The following FAM135B variants were observed in gnomAD, a reference collection of about 807,000 sequenced individuals.
The protein encoded by FAM135B is family with sequence similarity 135 member B.
A neutral mutation model predicts 127.7 loss-of-function variants in FAM135B; 43 were observed. The ratio of observed to expected loss-of-function variants is 0.34; its 90% CI spans 0.26 to 0.43. The LOEUF (loss-of-function observed/expected upper bound fraction) is 0.43. Ranked by LOEUF, FAM135B falls within the 20% of genes least tolerant of loss-of-function variation. The probability of loss-of-function intolerance (pLI) is 1.00; values close to 1 mark genes in which losing one functional copy is unlikely to be tolerated. For synonymous variants in FAM135B, 670 were observed against 665.1 expected (o/e 1.01, Z -0.11); for missense variants, 1,558 against 1,725.6 (o/e 0.90, Z 1.72).
intron 1 of FAM135B, among the ~76,000 whole-genome samples, chr8:138,443,557 A>T (rs79625473): frequency 0.017 from 2,588 of 152,296 alleles, 57 homozygotes; most frequent in East Asian, 0.081. Flanking sequence ...AATCCAAGAC[A>T]TCCTTATTTT....
chr8:138,355,241 A>G (rs1830021367), intron 2 of FAM135B, among the ~76,000 whole-genome samples: 1 of 152,198 alleles, frequency 6.6e-6, no homozygotes, highest in Non-Finnish European at 1.5e-5. Context: ...AGGAATATAA[A>G]TCATGCTGCT....
At chr8:138,374,078 C>G (rs1045051044) in intron 1 of FAM135B, among the ~76,000 whole-genome samples, 3 of 152,124 alleles carry the variant, frequency 2.0e-5, no homozygotes, top group Non-Finnish European at 4.4e-5. Flanking sequence ...AAAAAAATCC[C>G]TAATAAAAAC....
chr8:138,135,339 A>G (rs374610820), intron 19 of FAM135B, among the ~76,000 whole-genome samples: 2 of 152,216 alleles, frequency 1.3e-5, no homozygotes, highest in East Asian at 1.9e-4. Context: ...AGCTATGTTT[A>G]GTCAAGTCTG....
intron 7 of FAM135B, among the ~76,000 whole-genome samples, chr8:138,238,497 G>C (rs913778122): frequency 3.3e-5 from 5 of 152,124 alleles, no homozygotes; most frequent in African/African-American, 1.2e-4. Context: ...AAGAAAAGAG[G>C]CCACGAGGGG....
chr8:138,369,815 T>C (rs1443748141), intron 1 of FAM135B, among the ~76,000 whole-genome samples: 1 of 152,176 alleles, frequency 6.6e-6, no homozygotes, highest in Non-Finnish European at 1.5e-5. Context: ...GTCCTCATTT[T>C]CTCATCACCC....
rs1456340785 is a variant in FAM135B, at chr8:138,132,647, T to C, written c.4167A>G (p.Ser1389=). 3.1e-6 allele frequency: 5 copies of C among 1,614,200 alleles called. No individual in the cohort carries two copies. Among genetic ancestry groups the C allele is most frequent in the South Asian group, 2.2e-5 (2 of 91,078 alleles). The part of the protein sequence containing the change: ...GRAAHIAVLD[S]ELFLEKFFLV... ...AGAAAAACTTCTCCAGGAAGAGTTC[T>C]GAATCCAGCACAGCGATGTGAGCGG... is the stretch of plus-strand genomic sequence containing the variant. Residue 1389 remains serine, a synonymous_variant, in exon 20 of 20, where the codon TCA becomes TCG. Coordinates refer to ENST00000395297, the MANE Select transcript of FAM135B (RefSeq NM_015912.4). The surrounding 1 kb of genome is among the most constrained non-coding windows in gnomAD (Gnocchi z 4.5).
chr8:138,203,195 G>A (rs185353313), intron 7 of FAM135B, among the ~76,000 whole-genome samples: 1 of 152,074 alleles, frequency 6.6e-6, no homozygotes, highest in African/African-American at 2.4e-5. Context: ...TCAAATCTAT[G>A]TCTCTACATC....
intron 3 of FAM135B, among the ~76,000 whole-genome samples, chr8:138,271,990 T>C (rs1823417240): frequency 1.3e-5 from 2 of 151,976 alleles, no homozygotes; most frequent in South Asian, 4.2e-4. Flanking sequence ...GGTACAATGA[T>C]GACTCCAAAT....
At chr8:138,482,762 G>A (rs1369554230) in intron 1 of FAM135B, among the ~76,000 whole-genome samples, 1 of 152,144 alleles carries the variant, frequency 6.6e-6, no homozygotes, top group African/African-American at 2.4e-5. Context: ...CAGTAGCAAA[G>A]TTAGGATTAA....
At chr8:138,340,635 C>T (rs1828983307) in intron 2 of FAM135B, among the ~76,000 whole-genome samples, 1 of 152,154 alleles carries the variant, frequency 6.6e-6, no homozygotes, top group African/African-American at 2.4e-5. Flanking sequence ...TAGAACCCTC[C>T]TGCTGGCCAG....
At chr8:138,285,293 C>A (rs1356014220) in intron 3 of FAM135B, among the ~76,000 whole-genome samples, 2 of 151,832 alleles carry the variant, frequency 1.3e-5, no homozygotes, top group Middle Eastern at 3.4e-3. Context: ...ATTACAGGCA[C>A]CCATCAACAT....
chr8:138,295,983 G>A (rs769389155), intron 3 of FAM135B, among the ~76,000 whole-genome samples: 10 of 152,188 alleles, frequency 6.6e-5, no homozygotes, highest in Non-Finnish European at 1.3e-4. Context: ...CAGCCTGAGT[G>A]AAGGCATGCA....
intron 4 of FAM135B, among the ~76,000 whole-genome samples, chr8:138,261,394 A>G (rs529505365): frequency 2.3e-4 from 35 of 152,316 alleles, no homozygotes; most frequent in African/African-American, 8.2e-4. Flanking sequence ...TGTTGTTAAT[A>G]ATTGTATCTT....
chr8:138,206,677 CCATAACTCTATCATCCCCTCCATCTACG>C (rs1817685328), intron 7 of FAM135B, among the ~76,000 whole-genome samples: 2 of 78,784 alleles, frequency 2.5e-5, no homozygotes, highest in African/African-American at 4.7e-5. Flanking sequence ...CTCCACCTAC[CCATAACTCTATCATCCCCTCCATCTACG>C]CACAGCTCTA....
At chr8:138,282,561 A>G (rs1256314108) in intron 3 of FAM135B, among the ~76,000 whole-genome samples, 2 of 152,254 alleles carry the variant, frequency 1.3e-5, no homozygotes, top group African/African-American at 4.8e-5. Context: ...AGGAATGGCA[A>G]ATAAGCATAT....
chr8:138,317,181 A>T (rs1827163234), intron 2 of FAM135B, among the ~76,000 whole-genome samples: 1 of 152,200 alleles, frequency 6.6e-6, no homozygotes. Context: ...CTCCTCAATA[A>T]ATAAGAATGA....
intron 9 of FAM135B, among the ~76,000 whole-genome samples, chr8:138,188,214 G>A (rs1035952267): frequency 5.3e-5 from 8 of 152,164 alleles, no homozygotes; most frequent in African/African-American, 1.7e-4. Context: ...GGTATAGTAA[G>A]AAAAGGGCTT....
At chr8:138,405,837 A>C (rs558241660) in intron 1 of FAM135B, among the ~76,000 whole-genome samples, 13 of 152,018 alleles carry the variant, frequency 8.6e-5, no homozygotes, top group African/African-American at 3.1e-4. Context: ...CCAACAGTGT[A>C]AAAGTGTTCC....
In FAM135B at chr8:138,151,404, C is replaced by G. The variant is rs2130728331; in HGVS notation, c.3071G>C (p.Ser1024Thr). The change falls in exon 13 of 20, where the codon AGC becomes ACC. Residue 1024 changes from serine (S) to threonine (T), a missense_variant. Physicochemically the swap from Ser to Thr is moderately conservative, Grantham distance 58. Around this residue, in one of 5 missense-constraint regions of FAM135B, gnomAD observed 923 missense variants for 865.3 expected, o/e 1.07. Coordinates refer to ENST00000395297, the MANE Select transcript of FAM135B (RefSeq NM_015912.4). ...LTSAETFTLD[S>T]LKAVEVVNLS... is the part of the protein sequence containing the mutation. ...GTTCACAACCTCCACAGCCTTCAGG[C>G]TGTCCAGAGTAAAGGTCTCTGCAGA... 1 of 1,613,822 alleles carries G rather than the reference C, an allele frequency of 6.2e-7. No homozygotes were observed. Among genetic ancestry groups the G allele is most frequent in the Non-Finnish European group, 8.5e-7 (1 of 1,179,896 alleles).
Sources: gnomAD v4.1 joint callset for allele counts (sites outside exome capture counted in the v4.1 genomes callset) on GRCh38, gnomAD v4.1.1 for gene constraint, gnomAD v4.1.1 regional missense constraint, Gnocchi (gnomAD v3.1) non-coding constraint, MANE v1.5 for transcripts, NCBI Gene and HGNC (gene_info 2026-07-23, HGNC 2026-07-21) for gene names.